TAFA4: variants seen among roughly 807,000 people sequenced by gnomAD.
TAFA4 encodes the protein chemokine-like protein TAFA-4.
A neutral mutation model predicts 21.1 loss-of-function variants in TAFA4; 20 were observed. The observed-to-expected ratio is 0.95, with a 90% CI of 0.67 to 1.38. The LOEUF is 1.38. TAFA4 is among the 40% of genes most tolerant of loss of function. The pLI is 0.00. For missense variants in TAFA4, 211 were observed against 180.9 expected (o/e 1.17, Z -0.95); for synonymous variants, 71 against 67.4 (o/e 1.05, Z -0.26).
intron 3 of TAFA4, among the ~76,000 whole-genome samples, chr3:68,768,902 C>A (rs1056115317): frequency 6.6e-6 from 1 of 152,122 alleles, no homozygotes; most frequent in Non-Finnish European, 1.5e-5. Context: ...GAACCCATAA[C>A]AGTAGAACAG....
At chr3:68,869,427 T>C (rs2089457134) in intron 3 of TAFA4, among the ~76,000 whole-genome samples, 1 of 151,982 alleles carries the variant, frequency 6.6e-6, no homozygotes, top group African/African-American at 2.4e-5. Flanking sequence ...TACAAGCCAA[T>C]ATCCCTGATG....
In TAFA4 at chr3:68,732,440, A is replaced by C. The variant is rs76715206; in HGVS notation, c.*702T>G. On this transcript the variant is annotated 3_prime_UTR_variant, in exon 6 of 6. Transcript: ENST00000295569. ...TCTGATAGAGCTTTGGTTATAAAAT[A>C]TTGGAATTGATATGCTTCCTTAGCA... 0.017 allele frequency: 2,631 copies of C among 152,694 alleles called. 57 individuals are homozygous for C. Among genetic ancestry groups the C allele is most frequent in the East Asian group, 0.067 (345 of 5,180 alleles). 9.5% of individuals were successfully genotyped at this position (152,694 alleles called of 1,614,324 possible). A position where few individuals can be genotyped will look rare whatever the true frequency, so the allele number is the denominator to read the frequency against.
chr3:68,906,565 A>T (rs1016121678), intron 1 of TAFA4, among the ~76,000 whole-genome samples: 1 of 152,330 alleles, frequency 6.6e-6, no homozygotes, highest in Admixed American at 6.5e-5. Context: ...GTAAGCTGGG[A>T]TTTAAACCTG....
intron 3 of TAFA4, among the ~76,000 whole-genome samples, chr3:68,873,075 T>C (rs927426404): frequency 6.6e-6 from 1 of 152,064 alleles, no homozygotes; most frequent in African/African-American, 2.4e-5. Context: ...ACACATTCCA[T>C]TACAAATTCT....
chr3:68,839,381 A>C (rs1704600683), intron 3 of TAFA4, among the ~76,000 whole-genome samples: 1 of 152,158 alleles, frequency 6.6e-6, no homozygotes, highest in Admixed American at 6.5e-5. Context: ...GAATAGTGTT[A>C]ACACCATTTG....
At chr3:68,807,961 T>C (rs565970866) in intron 3 of TAFA4, among the ~76,000 whole-genome samples, 8 of 152,336 alleles carry the variant, frequency 5.3e-5, no homozygotes, top group African/African-American at 7.2e-5. Context: ...ATGTGTCTTC[T>C]TTTGTGTCTC....
chr3:68,857,112 A>G (rs1055368271), intron 3 of TAFA4, among the ~76,000 whole-genome samples: 2 of 152,180 alleles, frequency 1.3e-5, no homozygotes, highest in African/African-American at 4.8e-5. Flanking sequence ...TTTCCTGAGC[A>G]TTCTTGTTAT....
chr3:68,909,750 G>C (rs1360367863), intron 1 of TAFA4, among the ~76,000 whole-genome samples: 2 of 152,180 alleles, frequency 1.3e-5, no homozygotes, highest in East Asian at 3.8e-4. Context: ...CTTATCTAAT[G>C]CTGCATAATG....
At chr3:68,823,698 C>G (rs1038848470) in intron 3 of TAFA4, among the ~76,000 whole-genome samples, 1 of 152,108 alleles carries the variant, frequency 6.6e-6, no homozygotes, top group Non-Finnish European at 1.5e-5. Context: ...TGAGGACATG[C>G]AGTGTTTGGT....
At chr3:68,899,477 A>G (rs1334329012) in intron 1 of TAFA4, among the ~76,000 whole-genome samples, 1 of 151,106 alleles carries the variant, frequency 6.6e-6, no homozygotes, top group Non-Finnish European at 1.5e-5. Context: ...GTTTGACATC[A>G]TTGACTCAGA....
At chr3:68,772,594 A>G (rs35768765) in intron 3 of TAFA4, among the ~76,000 whole-genome samples, 6,565 of 152,234 alleles carry the variant, frequency 0.043, 372 homozygotes, top group East Asian at 0.25. Context: ...CCTTGGACTG[A>G]GAGTTACACC....
chr3:68,831,920 C>T (rs1448677869), intron 3 of TAFA4, among the ~76,000 whole-genome samples: 2 of 152,236 alleles, frequency 1.3e-5, no homozygotes, highest in Non-Finnish European at 2.9e-5. Flanking sequence ...CACTTTATTT[C>T]ATTAATTTGA....
chr3:68,873,238 C>T (rs953853917), intron 3 of TAFA4, among the ~76,000 whole-genome samples: 1 of 151,564 alleles, frequency 6.6e-6, no homozygotes, highest in Non-Finnish European at 1.5e-5. Flanking sequence ...CAACCTTGCT[C>T]TCACCTGGAG....
At chr3:68,885,458 G>T (rs2106957357) in intron 1 of TAFA4, 148 bp from the exon 2 acceptor site, 1 of 489,774 alleles carries the variant, frequency 2.0e-6, no homozygotes, top group East Asian at 3.4e-5. Flanking sequence ...ATCCATAGTT[G>T]TAAGGTGTCC....
intron 1 of TAFA4, among the ~76,000 whole-genome samples, chr3:68,886,644 A>G (rs1424317372): frequency 6.6e-6 from 1 of 152,148 alleles, no homozygotes; most frequent in Non-Finnish European, 1.5e-5. Flanking sequence ...AAGTAATGCG[A>G]CCTAATAGTT....
At chr3:68,764,835 T>C (rs978691850) in intron 3 of TAFA4, among the ~76,000 whole-genome samples, 1 of 152,182 alleles carries the variant, frequency 6.6e-6, no homozygotes, top group Non-Finnish European at 1.5e-5. Flanking sequence ...GAGAGCATAG[T>C]TGCAAAGACA....
chr3:68,742,131 C>T (rs1213880897), intron 4 of TAFA4, among the ~76,000 whole-genome samples: 1 of 152,116 alleles, frequency 6.6e-6, no homozygotes, highest in Non-Finnish European at 1.5e-5. Context: ...TCATCTCCTG[C>T]AGAAAAATCA....
At chr3:68,830,760 G>C (rs143031123) in intron 3 of TAFA4, among the ~76,000 whole-genome samples, 2 of 152,092 alleles carry the variant, frequency 1.3e-5, no homozygotes, top group African/African-American at 2.4e-5. Flanking sequence ...TTTCTGTCTC[G>C]TTGATCTGTC....
At position 68,843,740 on chromosome 3, in the gene TAFA4, T is replaced by G. The variant is rs541165804; in HGVS notation, c.130+36990A>C. Among the ~76,000 whole-genome samples, 8 of 152,396 alleles carry G rather than the reference T, an allele frequency of 5.2e-5. No individual in the cohort carries two copies. In the South Asian group the frequency reaches 1.7e-3, roughly 32 times the overall value. On this transcript the variant is annotated intron_variant, in intron 3 of 5. Transcript: ENST00000295569. ...TTTTAGCACGAAGTGCTGTTGAATT[T>G]TATCAAAGGCCTTTTCTGCATCTAT...
Sources: gnomAD v4.1 joint callset for allele counts (sites outside exome capture counted in the v4.1 genomes callset) on GRCh38, gnomAD v4.1.1 for gene constraint, MANE v1.5 for transcripts, NCBI Gene and HGNC (gene_info 2026-07-23, HGNC 2026-07-21) for gene names.